The following ATP2B4 variants were observed in gnomAD, a reference collection of about 807,000 sequenced individuals.
ATP2B4 encodes plasma membrane calcium-transporting ATPase 4.
A neutral mutation model predicts 110.3 loss-of-function variants in ATP2B4; 39 were observed. The observed-to-expected ratio is 0.35, with a 90% CI of 0.27 to 0.46. ATP2B4 has a LOEUF of 0.46. ATP2B4 is among the 20% of genes least tolerant of loss of function. The probability of loss-of-function intolerance (pLI) is 1.00; values close to 1 mark genes in which losing one functional copy is unlikely to be tolerated. For missense variants in ATP2B4, 1,135 were observed against 1,530.9 expected (o/e 0.74, Z 4.32); for synonymous variants, 538 against 571.7 (o/e 0.94, Z 0.84).
chr1:203,647,897 G>A (rs1023355686), intron 1 of ATP2B4, among the ~76,000 whole-genome samples: 1 of 152,172 alleles, frequency 6.6e-6, no homozygotes, highest in African/African-American at 2.4e-5. Flanking sequence ...ATCAGAGAGG[G>A]GAGAAGGCTT....
intron 1 of ATP2B4, among the ~76,000 whole-genome samples, chr1:203,635,286 T>C (rs776557948): frequency 6.6e-6 from 1 of 152,126 alleles, no homozygotes; most frequent in Non-Finnish European, 1.5e-5. Context: ...CATTTATTTT[T>C]GAAACAGGGC....
At chr1:203,648,684 C>T (rs557462167) in intron 1 of ATP2B4, among the ~76,000 whole-genome samples, 1 of 152,334 alleles carries the variant, frequency 6.6e-6, no homozygotes, top group East Asian at 1.9e-4. Flanking sequence ...TTTGCCATGA[C>T]TCTGGGGAAG....
intron 18 of ATP2B4, among the ~76,000 whole-genome samples, chr1:203,723,542 C>T (rs1019737051): frequency 1.3e-5 from 2 of 150,678 alleles, no homozygotes; most frequent in Non-Finnish European, 3.0e-5. Context: ...AGGCAATCCT[C>T]CCACCTCATC....
chr1:203,652,056 CAAA>C (rs147932185), intron 1 of ATP2B4, among the ~76,000 whole-genome samples: 2 of 129,414 alleles, frequency 1.5e-5, no homozygotes, highest in Admixed American at 7.7e-5. Context: ...GACTCTGTCT[CAAA>C]AAAAAAAAAG....
At chr1:203,673,114 T>C (rs1003792658) in intron 1 of ATP2B4, among the ~76,000 whole-genome samples, 1 of 152,170 alleles carries the variant, frequency 6.6e-6, no homozygotes, top group African/African-American at 2.4e-5. Context: ...AAGGGGTTCA[T>C]GGGAATGCTT....
At chr1:203,647,935 A>G (rs1663854736) in intron 1 of ATP2B4, among the ~76,000 whole-genome samples, 1 of 152,162 alleles carries the variant, frequency 6.6e-6, no homozygotes, top group African/African-American at 2.4e-5. Flanking sequence ...TTTGGGAGGT[A>G]CTTTCCTCTA....
In ATP2B4 at chr1:203,715,750, A is replaced by G. The variant is rs1168192887; in HGVS notation, c.2406+1473A>G. ...TTGTTCACATTTTCCTAACTGACTC[A>G]AATGTTTTTATAGTTTATTTGCCCA... On this transcript the variant is annotated intron_variant, in intron 15 of 20. Transcript: ENST00000357681. Among the ~76,000 whole-genome samples the G allele has an allele frequency of 1.4e-5, 2 of 144,790 alleles. 1 individual carries two copies. Among genetic ancestry groups the G allele is most frequent in the Non-Finnish European group, 3.1e-5 (2 of 65,096 alleles). 95.0% of individuals were successfully genotyped at this position (144,790 alleles called of 152,430 possible).
intron 1 of ATP2B4, among the ~76,000 whole-genome samples, chr1:203,638,624 G>T (rs985541252): frequency 6.6e-6 from 1 of 151,980 alleles, no homozygotes; most frequent in African/African-American, 2.4e-5. Flanking sequence ...CAGAGGTGGG[G>T]GTACAGCCTA....
Position 203,698,226 on chromosome 1 carries a change from A to C in ATP2B4, c.263A>C (p.Lys88Thr), listed in dbSNP as rs1478747884. 1.9e-6 allele frequency: 3 copies of C among 1,614,086 alleles called. No homozygotes were observed. In the African/African-American group the frequency reaches 4.0e-5, roughly 22 times the overall value. The change falls in exon 3 of 21, where the codon AAA becomes ACA. Residue 88 changes from lysine to threonine, a missense_variant. Coordinates refer to ENST00000357681, the MANE Select transcript of ATP2B4 (RefSeq NM_001684.5). Reference protein sequence around the residue: ...QVFGHNVIPPKKPKTFLELVW... With the variant: ...QVFGHNVIPPTKPKTFLELVW... ...TTTGGACACAACGTGATCCCCCCCA[A>C]AAAGCCCAAGACTTTCTTAGAATTA...
In ATP2B4 at chr1:203,681,824, C is replaced by T. The variant is rs146958340; in HGVS notation, c.-464-918C>T. Reference sequence around the variant, plus strand: ...TTGCTAACCTTGCTGTGGCCCTATCCTCTATCTGAATTGAGAGGTATCTTA... The same window carrying T: ...TTGCTAACCTTGCTGTGGCCCTATCTTCTATCTGAATTGAGAGGTATCTTA... On this transcript the variant is annotated intron_variant, in intron 1 of 20. Coordinates refer to ENST00000357681, the MANE Select transcript of ATP2B4 (RefSeq NM_001684.5). 9.9e-3 allele frequency among the ~76,000 whole-genome samples: 1,499 copies of T among 152,134 alleles called. 23 individuals carry two copies. Among genetic ancestry groups the T allele is most frequent in the African/African-American group, 0.031 (1,298 of 41,486 alleles).
At chr1:203,729,460 G>A (rs1286200255) in intron 20 of ATP2B4, 4 of 360,544 alleles carry the variant, frequency 1.1e-5, no homozygotes, top group African/African-American at 4.4e-5. Context: ...CAGGAGAATC[G>A]CTTGAACCCG....
intron 13 of ATP2B4, among the ~76,000 whole-genome samples, 171 bp downstream of exon 13, chr1:203,712,310 C>T (rs946557395): frequency 1.4e-4 from 22 of 152,008 alleles, no homozygotes; most frequent in Admixed American, 6.6e-5. Context: ...TGGGAGTTGC[C>T]GGCTGGGCGC....
At chr1:203,703,512 G>GT in intron 7 of ATP2B4, 140 bp from the exon 8 acceptor site, 15 of 894,664 alleles carry the variant, frequency 1.7e-5, no homozygotes, top group Non-Finnish European at 2.4e-5. Flanking sequence ...TCTAGCATGG[G>GT]TTGGAAGTGG....
At chr1:203,632,374 C>T (rs12408558) in intron 1 of ATP2B4, among the ~76,000 whole-genome samples, 27,748 of 150,762 alleles carry the variant, frequency 0.18, 3,511 homozygotes, top group East Asian at 0.36. Flanking sequence ...GACAGAGTCT[C>T]GCTCTGTTGC....
chr1:203,656,596 GA>G (rs1161030730), intron 1 of ATP2B4, among the ~76,000 whole-genome samples: 2 of 152,172 alleles, frequency 1.3e-5, no homozygotes, highest in African/African-American at 4.8e-5. Flanking sequence ...TAGGATTAAT[GA>G]ATAACGAGGT....
At chr1:203,724,025 GC>G in intron 19 of ATP2B4, 37 bp downstream of exon 19, 1 of 1,553,684 alleles carries the variant, frequency 6.4e-7, no homozygotes, top group Non-Finnish European at 8.8e-7. Context: ...CATTCTCACA[GC>G]CTGCAGAACT....
At chr1:203,726,517 G>T (rs79755808) in intron 19 of ATP2B4, among the ~76,000 whole-genome samples, 4 of 151,876 alleles carry the variant, frequency 2.6e-5, no homozygotes, top group African/African-American at 9.7e-5. Context: ...CTCTGTTCTG[G>T]CTCTTGCCTC....
At chr1:203,718,264 AATTTT>A (rs140862881) in intron 15 of ATP2B4, among the ~76,000 whole-genome samples, 39,591 of 149,590 alleles carry the variant, frequency 0.26, 6,386 homozygotes, top group East Asian at 0.58. Flanking sequence ...ATAACTTTCT[AATTTT>A]ATTTTATTTT....
At chr1:203,699,749 A>C (rs775969773) in intron 4 of ATP2B4, 32 bp downstream of exon 4, 31 of 1,608,256 alleles carry the variant, frequency 1.9e-5, no homozygotes, top group East Asian at 2.2e-5. Flanking sequence ...TGCTTACCCC[A>C]CCACCACCCC....
Sources: allele counts gnomAD v4.1 joint callset (sites outside exome capture counted in the v4.1 genomes callset), GRCh38; gene constraint gnomAD v4.1.1; transcripts MANE v1.5; gene names NCBI Gene and HGNC (gene_info 2026-07-23, HGNC 2026-07-21).